Variants in CTBP2 observed in about 807,000 individuals in gnomAD.
CTBP2 encodes C-terminal-binding protein 2.
In CTBP2, 30 loss-of-function variants were observed where a neutral mutation model predicts 80.3. That is an observed-to-expected ratio of 0.37 (90% confidence interval 0.28 to 0.51). CTBP2 has a LOEUF of 0.51. Among genes scored for constraint, CTBP2 ranks in the 20% least tolerant of loss-of-function variants. The pLI is 0.93. For missense variants in CTBP2, 1,212 were observed against 1,375.3 expected (o/e 0.88, Z 1.88); for synonymous variants, 594 against 587.4 (o/e 1.01, Z -0.16).
intron 2 of CTBP2, 50 bp downstream of exon 2, chr10:125,110,940 G>A (rs1852202002): frequency 6.6e-6 from 1 of 152,488 alleles, no homozygotes; most frequent in Non-Finnish European, 1.5e-5. Flanking sequence ...ATTGCAAAGG[G>A]GATTCTAGAA....
chr10:125,123,739 C>T (rs1186495246), intron 1 of CTBP2, among the ~76,000 whole-genome samples: 1 of 152,200 alleles, frequency 6.6e-6, no homozygotes, highest in Non-Finnish European at 1.5e-5. Context: ...ATTCCTGAAC[C>T]CTGACCTTCT....
chr10:125,032,465 G>A (rs1207343953), upstream of CTBP2, among the ~76,000 whole-genome samples: 2 of 152,122 alleles, frequency 1.3e-5, no homozygotes, highest in African/African-American at 2.4e-5. Flanking sequence ...CTGGCTCAGC[G>A]AGCCCTCCCC....
At chr10:125,104,107 T>G (rs1851072437) in intron 2 of CTBP2, among the ~76,000 whole-genome samples, 2 of 152,106 alleles carry the variant, frequency 1.3e-5, no homozygotes, top group South Asian at 4.1e-4. Flanking sequence ...AAATCCCTAT[T>G]AAAAGACAGC....
At chr10:125,071,610 G>A (rs1007340855) in intron 2 of CTBP2, among the ~76,000 whole-genome samples, 11 of 152,194 alleles carry the variant, frequency 7.2e-5, no homozygotes, top group African/African-American at 2.7e-4. Flanking sequence ...AGCTGGCCAA[G>A]GAACAGGAGA....
rs903172112 is a variant in CTBP2 at position 125,066,445 on chromosome 10, G to C, written c.-101-27290C>G. 6.6e-6 allele frequency among the ~76,000 whole-genome samples: 1 copy of C among 152,172 alleles called. No individual in the cohort carries two copies. The highest frequency in any genetic ancestry group is 1.5e-5 in the Non-Finnish European group (1 of 68,040). On this transcript the variant is annotated intron_variant, in intron 2 of 10. Coordinates refer to the CTBP2 transcript ENST00000337195. This position sits in a 1 kb window ranked among gnomAD's most constrained non-coding sequence, Gnocchi z 4.1. ...CAGGGCAGGAACGGAAGGCAAGCAGGGTGCGCAGATGTAACGGGGGAAGCA... is the reference window on the plus strand; with the variant it reads ...CAGGGCAGGAACGGAAGGCAAGCAGCGTGCGCAGATGTAACGGGGGAAGCA...
At chr10:125,132,142 G>C (rs895474186) in intron 1 of CTBP2, among the ~76,000 whole-genome samples, 2 of 152,186 alleles carry the variant, frequency 1.3e-5, no homozygotes, top group African/African-American at 4.8e-5. Context: ...CTGGTAACAA[G>C]TGGAATTTCG....
At chr10:125,050,524 G>A (rs1316483026) in intron 2 of CTBP2, among the ~76,000 whole-genome samples, 2 of 152,356 alleles carry the variant, frequency 1.3e-5, no homozygotes, top group East Asian at 3.9e-4. Context: ...GGGAGAGCGG[G>A]CGTCTCGCAG....
intron 3 of CTBP2, among the ~76,000 whole-genome samples, chr10:125,034,856 C>T (rs904319121): frequency 3.9e-5 from 6 of 152,188 alleles, no homozygotes; most frequent in Non-Finnish European, 8.8e-5. Context: ...AAGAGAAAGT[C>T]ACTCTCTCAT....
chr10:125,029,087 C>T (rs992163809), upstream of CTBP2, among the ~76,000 whole-genome samples: 7 of 152,200 alleles, frequency 4.6e-5, no homozygotes, highest in African/African-American at 1.2e-4. Context: ...GCTACAAAGG[C>T]TGTATACATT....
chr10:125,057,711 C>T (rs1297929585), intron 2 of CTBP2, among the ~76,000 whole-genome samples: 1 of 152,222 alleles, frequency 6.6e-6, no homozygotes, highest in African/African-American at 2.4e-5. Context: ...TGGTACACAG[C>T]GTGGCTTAAA....
chr10:125,147,924 A>G (rs1485056556), intron 1 of CTBP2, among the ~76,000 whole-genome samples: 5 of 152,028 alleles, frequency 3.3e-5, no homozygotes, highest in Admixed American at 2.0e-4. Flanking sequence ...TCTAACAAAC[A>G]CATACGGTAC....
chr10:124,999,982 G>C (rs1399683756), intron 3 of CTBP2: 1 of 152,272 alleles, frequency 6.6e-6, no homozygotes, highest in Non-Finnish European at 1.5e-5. Flanking sequence ...CCTCCTCCTA[G>C]GAGATGAGCT....
intron 2 of CTBP2, among the ~76,000 whole-genome samples, chr10:125,049,203 G>A (rs1466098970): frequency 1.3e-5 from 2 of 152,206 alleles, no homozygotes; most frequent in African/African-American, 4.8e-5. Flanking sequence ...GGTTGGAGAA[G>A]AATGGGAGGG....
At chr10:125,055,116 C>A (rs889322736) in intron 2 of CTBP2, among the ~76,000 whole-genome samples, 1 of 152,214 alleles carries the variant, frequency 6.6e-6, no homozygotes, top group Admixed American at 6.5e-5. Context: ...CTAGACCCCC[C>A]TCTGAATGGT....
chr10:125,111,460 T>A (rs1388074288), intron 1 of CTBP2, among the ~76,000 whole-genome samples: 2 of 152,242 alleles, frequency 1.3e-5, no homozygotes, highest in African/African-American at 4.8e-5. Flanking sequence ...ACCAACTGTT[T>A]TGAGAAATAT....
intron 2 of CTBP2, among the ~76,000 whole-genome samples, chr10:125,088,710 T>TA (rs113361919): frequency 0.012 from 1,848 of 152,322 alleles, 41 homozygotes; most frequent in African/African-American, 0.042. Context: ...TCAATAGCCC[T>TA]ACTCAACGCC....
chr10:125,001,777 C>G (rs535784335), intron 3 of CTBP2, among the ~76,000 whole-genome samples: 1 of 152,322 alleles, frequency 6.6e-6, no homozygotes, highest in African/African-American at 2.4e-5. Flanking sequence ...CAAGACCCAC[C>G]CAGTGCTTCC....
intron 1 of CTBP2, among the ~76,000 whole-genome samples, chr10:125,155,538 A>C (rs1258997944): frequency 1.3e-5 from 2 of 152,190 alleles, no homozygotes; most frequent in African/African-American, 4.8e-5. Context: ...CCCAAACATT[A>C]ATTTGTGAAT....
intron 1 of CTBP2, among the ~76,000 whole-genome samples, chr10:125,004,296 C>A (rs1954941619): frequency 6.6e-6 from 1 of 152,202 alleles, no homozygotes; most frequent in South Asian, 2.1e-4. Flanking sequence ...ACTACAGACG[C>A]GCATGCTTGC....
Sources: allele counts gnomAD v4.1 joint callset (sites outside exome capture counted in the v4.1 genomes callset), GRCh38; gene constraint gnomAD v4.1.1; non-coding constraint Gnocchi (gnomAD v3.1); transcripts MANE v1.5; gene names NCBI Gene and HGNC (gene_info 2026-07-23, HGNC 2026-07-21).